USP48: variants seen among roughly 807,000 people sequenced by gnomAD.
USP48 encodes ubiquitin carboxyl-terminal hydrolase 48.
Under a neutral mutation model 150.7 loss-of-function variants are expected in USP48, and 43 were observed. That is an observed-to-expected ratio of 0.29 (90% CI 0.22 to 0.37). USP48 has a LOEUF of 0.37. USP48 is among the 10% of genes least tolerant of loss of function. USP48 has a pLI of 1.00. For synonymous variants in USP48, 396 were observed against 425.9 expected (o/e 0.93, Z 0.86); for missense variants, 813 against 1,249.6 (o/e 0.65, Z 5.27).
chr1:21,730,442 G>A (rs746625256), intron 9 of USP48, among the ~76,000 whole-genome samples: 2 of 151,230 alleles, frequency 1.3e-5, no homozygotes, highest in East Asian at 2.0e-4. Context: ...TCATGAAAAA[G>A]AAAAAGTTAA....
intron 23 of USP48, among the ~76,000 whole-genome samples, chr1:21,691,747 C>T (rs1037231779): frequency 1.3e-5 from 2 of 152,004 alleles, no homozygotes; most frequent in African/African-American, 4.8e-5. Context: ...TCATGTTTAC[C>T]TCTGGAGGGC....
intron 1 of USP48, among the ~76,000 whole-genome samples, chr1:21,778,104 C>T (rs143036895): frequency 2.4e-3 from 360 of 151,142 alleles, no homozygotes; most frequent in African/African-American, 8.5e-3. Context: ...GATGGCATCA[C>T]TGCACTCCAG....
At chr1:21,749,488 CAGTT>C (rs899203532) in intron 6 of USP48, among the ~76,000 whole-genome samples, 16 of 152,192 alleles carry the variant, frequency 1.1e-4, no homozygotes, top group African/African-American at 3.9e-4. Context: ...CTCCCTATCT[CAGTT>C]AGAGCAACTC....
At chr1:21,704,454 T>C in intron 19 of USP48, 62 bp from the exon 20 acceptor site, 3 of 1,507,122 alleles carry the variant, frequency 2.0e-6, no homozygotes, top group Non-Finnish European at 1.8e-6. Context: ...ATTAACATAA[T>C]CCATTAGTCT....
At chr1:21,720,920 T>C (rs1314363140) in intron 14 of USP48, 116 bp downstream of exon 14, 3 of 1,359,894 alleles carry the variant, frequency 2.2e-6, no homozygotes, top group East Asian at 4.7e-5. Context: ...TCAAGTGATC[T>C]GCCCGTCTGA....
intron 15 of USP48, among the ~76,000 whole-genome samples, chr1:21,709,669 C>T (rs1359907277): frequency 6.6e-6 from 1 of 151,924 alleles, no homozygotes; most frequent in East Asian, 1.9e-4. Context: ...CACACACAAA[C>T]TTTACTATTA....
intron 1 of USP48, among the ~76,000 whole-genome samples, chr1:21,770,215 ATAAAT>A (rs2097875431): frequency 1.3e-5 from 2 of 152,078 alleles, no homozygotes; most frequent in Non-Finnish European, 2.9e-5. Flanking sequence ...CTGCTTACAC[ATAAAT>A]TAATCTTATA....
chr1:21,779,980 C>G (rs1316852788), intron 1 of USP48, among the ~76,000 whole-genome samples: 1 of 152,138 alleles, frequency 6.6e-6, no homozygotes, highest in Non-Finnish European at 1.5e-5. Context: ...GAATGTAAAT[C>G]GGTACAACCA....
intron 15 of USP48, among the ~76,000 whole-genome samples, chr1:21,708,509 C>T (rs333168): frequency 0.74 from 111,792 of 151,380 alleles, 42,551 homozygotes; most frequent in Admixed American, 0.83. Flanking sequence ...AAAACAAAAA[C>T]AAACAAACAA....
At chr1:21,696,466 C>A (rs1026122049) in intron 22 of USP48, among the ~76,000 whole-genome samples, 1 of 152,044 alleles carries the variant, frequency 6.6e-6, no homozygotes, top group Non-Finnish European at 1.5e-5. Context: ...GGAAAGAAAG[C>A]GGGTGCGGAG....
At chr1:21,688,244 A>T (rs2097584969) in intron 24 of USP48, among the ~76,000 whole-genome samples, 1 of 151,934 alleles carries the variant, frequency 6.6e-6, no homozygotes, top group Non-Finnish European at 1.5e-5. Flanking sequence ...TTTGAGACGG[A>T]GTCTCCCTCT....
intron 1 of USP48, among the ~76,000 whole-genome samples, chr1:21,765,712 A>C (rs1241027540): frequency 1.3e-5 from 2 of 151,902 alleles, no homozygotes; most frequent in African/African-American, 4.8e-5. Flanking sequence ...TTTCTAGTGG[A>C]AGATGAGGTC....
rs2097721544 is a variant in USP48 at position 21,721,814 on chromosome 1, C to T, written c.1649-50G>A. The stretch of plus-strand genomic sequence containing the variant: ...AAATATATTTCATTCAAACAGACTT[C>T]CTGTTAGGAAAATGTTTTCAGCACT... On this transcript the variant is annotated intron_variant, in intron 12 of 26. Transcript: ENST00000308271. 3 of 1,338,532 alleles carry T rather than the reference C, an allele frequency of 2.2e-6. No homozygotes were observed. In the East Asian group the frequency reaches 7.5e-5, roughly 33 times the overall value. 82.9% of individuals were successfully genotyped at this position (1,338,532 alleles called of 1,614,324 possible).
intron 1 of USP48, among the ~76,000 whole-genome samples, chr1:21,779,662 A>G (rs1195478743): frequency 2.0e-5 from 3 of 152,170 alleles, no homozygotes; most frequent in Non-Finnish European, 4.4e-5. Flanking sequence ...AAACTACTAC[A>G]CTAATGTTCA....
chr1:21,778,283 A>G (rs1455169986), intron 1 of USP48, among the ~76,000 whole-genome samples: 1 of 152,246 alleles, frequency 6.6e-6, no homozygotes, highest in Non-Finnish European at 1.5e-5. Context: ...GTACACAAAA[A>G]GATGTTTAAC....
At chr1:21,697,572 A>G (rs2097640084) in intron 22 of USP48, among the ~76,000 whole-genome samples, 1 of 151,620 alleles carries the variant, frequency 6.6e-6, no homozygotes, top group Non-Finnish European at 1.5e-5. Context: ...CTGAGGCAGG[A>G]GAATGGCGTG....
rs1047355027 is a variant in USP48 at position 21,679,418 on chromosome 1, T to C, written c.3107A>G (p.Ter1036=). The change falls in exon 27 of 27, where the codon TAA becomes TGA. Residue 1036 remains the stop codon, a stop_retained_variant. Transcript: ENST00000308271. The stretch of plus-strand genomic sequence containing the variant: ...TAGCAGTCAGCAAGTATTCAAAGAT[T>C]AATGTCCAAGAAGACCAGTACCTGG... The part of the protein sequence containing the change: ...GFKGTGLLGH[*] 1.9e-6 allele frequency: 3 copies of C among 1,614,030 alleles called. No homozygotes were observed. In the Admixed American group the frequency reaches 5.0e-5, roughly 27 times the overall value.
intron 3 of USP48, among the ~76,000 whole-genome samples, 168 bp downstream of exon 3, chr1:21,756,378 G>A (rs955179806): frequency 2.6e-5 from 4 of 151,112 alleles, no homozygotes; most frequent in Non-Finnish European, 4.4e-5. Context: ...CTTCTCAAGA[G>A]GCTGAGGCAG....
Position 21,724,246 on chromosome 1 carries a change from C to T in USP48, c.1451-151G>A, listed in dbSNP as rs74952104. On this transcript the variant is annotated intron_variant, in intron 11 of 26. Coordinates refer to ENST00000308271, the MANE Select transcript of USP48 (RefSeq NM_032236.8). ...TCTGGGGGAAGATGTTTGATGAGTACGACACAAAGCTCCAGTTAAGTGCCA... is the reference window on the plus strand; with the variant it reads ...TCTGGGGGAAGATGTTTGATGAGTATGACACAAAGCTCCAGTTAAGTGCCA... 2,032 of 757,490 alleles carry T rather than the reference C, an allele frequency of 2.7e-3. 27 individuals carry two copies. The African/African-American group carries it at 0.031, about 12-fold the overall frequency. The allele number at this position is 757,490 out of a possible 1,614,324, so 46.9% of individuals were successfully genotyped here.
Sources: gnomAD v4.1 joint callset for allele counts (sites outside exome capture counted in the v4.1 genomes callset) on GRCh38, gnomAD v4.1.1 for gene constraint, MANE v1.5 for transcripts, NCBI Gene and HGNC (gene_info 2026-07-23, HGNC 2026-07-21) for gene names.